ELAVL1: variants seen among roughly 807,000 people sequenced by gnomAD.
ELAVL1 encodes the protein ELAV-like protein 1.
Under a neutral mutation model 28.4 loss-of-function variants are expected in ELAVL1, and 1 was observed. The ratio of observed to expected loss-of-function variants is 0.04; its 90% CI spans 0.01 to 0.17. ELAVL1 has a LOEUF of 0.17. Among genes scored for constraint, ELAVL1 ranks in the 10% least tolerant of loss-of-function variants. The pLI is 1.00. For synonymous variants in ELAVL1, 174 were observed against 183.5 expected (o/e 0.95, Z 0.42); for missense variants, 157 against 447.2 (o/e 0.35, Z 5.85).
At chr19:7,967,147 C>A (rs1276178328) in intron 5 of ELAVL1, among the ~76,000 whole-genome samples, 1 of 152,052 alleles carries the variant, frequency 6.6e-6, no homozygotes, top group East Asian at 1.9e-4. Context: ...GCAATCCTCC[C>A]ACCTCAGCTT....
At chr19:7,990,069 C>T (rs1985710484) in intron 2 of ELAVL1, among the ~76,000 whole-genome samples, 1 of 152,374 alleles carries the variant, frequency 6.6e-6, no homozygotes, top group Admixed American at 6.5e-5. Flanking sequence ...GTTGCCCACA[C>T]TGGAGTGCAG....
At chr19:7,990,783 CA>C (rs1985730380) in intron 2 of ELAVL1, among the ~76,000 whole-genome samples, 3 of 151,878 alleles carry the variant, frequency 2.0e-5, no homozygotes, top group Admixed American at 1.3e-4. Flanking sequence ...GAAAGGAAGG[CA>C]GGGGGGTAGG....
At chr19:7,977,185 G>A (rs560212099) in intron 3 of ELAVL1, among the ~76,000 whole-genome samples, 5 of 152,262 alleles carry the variant, frequency 3.3e-5, no homozygotes, top group African/African-American at 1.2e-4. Context: ...AGTCCCCGGC[G>A]CCGGCTTCTG....
chr19:7,996,671 G>A lies in ELAVL1; in HGVS notation c.-16-4840C>T, dbSNP rs527266599. Among the ~76,000 whole-genome samples the A allele has an allele frequency of 8.5e-5, 13 of 152,094 alleles. No individual in the cohort carries two copies. In the East Asian group the frequency reaches 2.5e-3, roughly 30 times the overall value. On this transcript the variant is annotated intron_variant, in intron 1 of 5. Coordinates refer to ENST00000407627, the MANE Select transcript of ELAVL1 (RefSeq NM_001419.3). ...AATACAACAAAAAAAAAATTAGCAAGGCGTGGTGGTGGGCATCTGTAATCT... is the reference window on the plus strand; with the variant it reads ...AATACAACAAAAAAAAAATTAGCAAAGCGTGGTGGTGGGCATCTGTAATCT...
At chr19:7,983,612 C>T (rs974746936) in intron 2 of ELAVL1, among the ~76,000 whole-genome samples, 1 of 152,138 alleles carries the variant, frequency 6.6e-6, no homozygotes, top group Admixed American at 6.5e-5. Flanking sequence ...TGCATCCGGG[C>T]CCCATCTTTC....
intron 3 of ELAVL1, among the ~76,000 whole-genome samples, chr19:7,980,382 G>A (rs953951419): frequency 2.6e-5 from 4 of 152,198 alleles, no homozygotes; most frequent in African/African-American, 9.7e-5. Context: ...GAACCCAGGA[G>A]CCAGAAGGCA....
chr19:7,974,466 C>A (rs900234125), intron 3 of ELAVL1, among the ~76,000 whole-genome samples: 5 of 152,180 alleles, frequency 3.3e-5, no homozygotes, highest in African/African-American at 1.2e-4. Flanking sequence ...GGTGCTTTGA[C>A]AAAATGGTAC....
Position 7,963,907 on chromosome 19 carries a change from C to A in ELAVL1, c.657-100G>T. 7.4e-7 allele frequency: 1 copy of A among 1,358,536 alleles called. No homozygotes were observed. The highest frequency in any genetic ancestry group is 9.9e-7 in the Non-Finnish European group (1 of 1,008,414). The allele number at this position is 1,358,536 out of a possible 1,614,324, so 84.2% of individuals were successfully genotyped here. On this transcript the variant is annotated intron_variant, in intron 5 of 5. Coordinates refer to ENST00000407627, the MANE Select transcript of ELAVL1 (RefSeq NM_001419.3). This position sits in a 1 kb window ranked among gnomAD's most constrained non-coding sequence, Gnocchi z 4.5. ...GCTGACCATGGCCGCTGGGCCCCATCCCGCTCTGCGCAGCCACGAGGTGCT... is the reference window on the plus strand; with the variant it reads ...GCTGACCATGGCCGCTGGGCCCCATACCGCTCTGCGCAGCCACGAGGTGCT...
Position 7,973,807 on chromosome 19 carries a change from G to A in ELAVL1, c.348C>T (p.Thr116=). 1 of 1,614,114 alleles carries A rather than the reference G, an allele frequency of 6.2e-7. No individual in the cohort carries two copies. Residue 116 remains threonine (T), a synonymous_variant, in exon 4 of 6, where the codon ACC becomes ACT. Coordinates refer to ENST00000407627, the MANE Select transcript of ELAVL1 (RefSeq NM_001419.3). ...TGTCTTCTACGTCCTTCTGGGTCAT[G>A]GTCCGCGGGAGCCCGCTGATGTACA... ...ANLYISGLPR[T]MTQKDVEDMF...
In ELAVL1 at chr19:7,974,812, C is replaced by T. The variant is rs148938292; in HGVS notation, c.277-934G>A. Among the ~76,000 whole-genome samples the T allele has an allele frequency of 3.9e-3, 596 of 152,286 alleles. 2 individuals are homozygous for T. The highest frequency in any genetic ancestry group is 0.014 in the African/African-American group (561 of 41,548). On this transcript the variant is annotated intron_variant, in intron 3 of 5. Coordinates refer to ENST00000407627, the MANE Select transcript of ELAVL1 (RefSeq NM_001419.3). Reference sequence around the variant, plus strand: ...CTGAGACCAGAACGCAGGGAGAAGCCGCCACTCAGGAGTCACTGGGCAGAA... The same window carrying T: ...CTGAGACCAGAACGCAGGGAGAAGCTGCCACTCAGGAGTCACTGGGCAGAA...
At chr19:8,004,671 G>A (rs1294848464) in intron 1 of ELAVL1, among the ~76,000 whole-genome samples, 1 of 152,098 alleles carries the variant, frequency 6.6e-6, no homozygotes, top group Non-Finnish European at 1.5e-5. Context: ...CCCATTTCTG[G>A]CCATCCGGAT....
At chr19:7,983,365 T>C (rs776751543) in intron 2 of ELAVL1, among the ~76,000 whole-genome samples, 5 of 152,112 alleles carry the variant, frequency 3.3e-5, no homozygotes, top group Admixed American at 6.5e-5. Context: ...GTGCTCCAGA[T>C]GGCAGTGTGA....
intron 3 of ELAVL1, among the ~76,000 whole-genome samples, chr19:7,975,031 T>C (rs559215907): frequency 1.3e-5 from 2 of 151,948 alleles, no homozygotes; most frequent in South Asian, 2.1e-4. Context: ...AGGGAGCATG[T>C]CACTACGGAG....
chr19:8,001,988 C>T (rs976004767), intron 1 of ELAVL1: 2 of 1,246,816 alleles, frequency 1.6e-6, no homozygotes, highest in African/African-American at 1.5e-5. Context: ...TCCTTGTCTC[C>T]CCCCAGCCTC....
intron 3 of ELAVL1, among the ~76,000 whole-genome samples, chr19:7,974,526 C>A (rs1043614793): frequency 6.6e-6 from 1 of 152,178 alleles, no homozygotes; most frequent in African/African-American, 2.4e-5. Context: ...GAGGCCAATG[C>A]AAGACAAGGT....
At position 7,965,758 on chromosome 19, in the gene ELAVL1, C is replaced by T. The variant is rs185273099; in HGVS notation, c.656+1807G>A. On this transcript the variant is annotated intron_variant, in intron 5 of 5. Coordinates refer to ENST00000407627, the MANE Select transcript of ELAVL1 (RefSeq NM_001419.3). ...GTCTCCTCCAACCTTCCCTGTTTTC[C>T]TTCCAGGCTAAGGAGCAGTTCACCC... 4.9e-3 allele frequency among the ~76,000 whole-genome samples: 750 copies of T among 152,272 alleles called. 7 individuals are homozygous for T. Among genetic ancestry groups the T allele is most frequent in the East Asian group, 0.025 (129 of 5,188 alleles).
At chr19:8,005,207 G>C (rs1312601331) in intron 1 of ELAVL1, among the ~76,000 whole-genome samples, 1 of 151,988 alleles carries the variant, frequency 6.6e-6, no homozygotes. Flanking sequence ...AGGCGACCGG[G>C]GCCCCCGGCC....
chr19:7,961,544 AG>A lies in ELAVL1; in HGVS notation c.*1938del, dbSNP rs1239370291. On this transcript the variant is annotated 3_prime_UTR_variant, in exon 6 of 6. Coordinates refer to ENST00000407627, the MANE Select transcript of ELAVL1 (RefSeq NM_001419.3). ...GCAGACTGCTCTCGGGCAACAGAGC[AG>A]GGACCCTCTTTTGTGTCGAATCCGG... is the stretch of plus-strand genomic sequence containing the variant. 3 of 152,246 alleles carry A rather than the reference AG, an allele frequency of 2.0e-5. No individual in the cohort carries two copies. The highest frequency in any genetic ancestry group is 4.4e-5 in the Non-Finnish European group (3 of 68,052). The allele number at this position is 152,246 out of a possible 1,614,324, so 9.4% of individuals were successfully genotyped here.
chr19:7,983,421 C>G (rs1473543002), intron 2 of ELAVL1, among the ~76,000 whole-genome samples: 1 of 152,178 alleles, frequency 6.6e-6, no homozygotes, highest in African/African-American at 2.4e-5. Context: ...ACTCAGCACA[C>G]GTACAAGCGA....
Sources: gnomAD v4.1 joint callset for allele counts (sites outside exome capture counted in the v4.1 genomes callset) on GRCh38, gnomAD v4.1.1 for gene constraint, Gnocchi (gnomAD v3.1) non-coding constraint, MANE v1.5 for transcripts, NCBI Gene and HGNC (gene_info 2026-07-23, HGNC 2026-07-21) for gene names.